Variants in PHEX observed in about 807,000 individuals in gnomAD.
PHEX encodes phosphate-regulating neutral endopeptidase PHEX.
In PHEX, 16 loss-of-function variants were observed where a neutral mutation model predicts 68.0. That is an observed-to-expected ratio of 0.24 (90% confidence interval 0.16 to 0.36). The LOEUF (loss-of-function observed/expected upper bound fraction) is 0.36. Ranked by LOEUF, PHEX falls within the 10% of genes least tolerant of loss-of-function variation. The pLI is 1.00. For missense variants in PHEX, 480 were observed against 575.5 expected, an observed-to-expected ratio of 0.83 and a Z score of 1.70; for synonymous variants, 208 against 205.1, an observed-to-expected ratio of 1.01 and a Z score of -0.12.
In PHEX at chrX:22,249,455, A is replaced by AAAAAAAAAATAT; in HGVS notation, c.*1503_*1504insAAAAAAAATATA. The AAAAAAAAAATAT allele has an allele frequency of 7.5e-5, 3 of 39,756 alleles. No homozygotes were observed. The highest frequency in any genetic ancestry group is 1.7e-4 in the African/African-American group (1 of 6,015). 3.3% of individuals were successfully genotyped at this position (39,756 alleles called of 1,213,427 possible). ...TTGTGATTCTTTTAAAAAAAAAAAA[A>AAAAAAAAAATAT]ATATATATATATATATATATATATA... On this transcript the variant is annotated 3_prime_UTR_variant, in exon 22 of 22. Transcript: ENST00000379374.
At chrX:22,158,677 C>T (rs1407468743) in intron 12 of PHEX, among the ~76,000 whole-genome samples, 2 of 111,763 alleles carry the variant, frequency 1.8e-5, no homozygotes, top group African/African-American at 6.5e-5. Context: ...AGCAGTCAAC[C>T]TAGCCAATCT....
chrX:22,042,501 T>A (rs1364173498), intron 2 of PHEX, among the ~76,000 whole-genome samples: 1 of 112,430 alleles, frequency 8.9e-6, no homozygotes, highest in Non-Finnish European at 1.9e-5. Flanking sequence ...AAAATAATAA[T>A]GGACTGGGCA....
At chrX:22,097,823 A>G (rs1431703950) in intron 8 of PHEX, 3 of 371,188 alleles carry the variant, frequency 8.1e-6, no homozygotes, top group Non-Finnish European at 1.0e-5. Flanking sequence ...GCTGGGGTGC[A>G]GTGGTGTGAT....
chrX:22,238,914 C>G (rs908550236), intron 20 of PHEX, among the ~76,000 whole-genome samples: 1 of 111,712 alleles, frequency 9.0e-6, no homozygotes, highest in Non-Finnish European at 1.9e-5. Context: ...GTCCCGGACC[C>G]CCGTGTATCC....
At position 22,141,058 on chromosome X, in the gene PHEX, G is replaced by A. The variant is rs776245926; in HGVS notation, c.1404+7434G>A. 3.1e-4 allele frequency among the ~76,000 whole-genome samples: 34 copies of A among 110,448 alleles called. 1 individual carries two copies. ...GGTTTCACAGTCTGTGCTTTTATCCGCAATGCCAGTGGGTCTCAAAGTGTG... is the reference window on the plus strand; with the variant it reads ...GGTTTCACAGTCTGTGCTTTTATCCACAATGCCAGTGGGTCTCAAAGTGTG... On this transcript the variant is annotated intron_variant, in intron 12 of 21. Transcript: ENST00000379374.
intron 5 of PHEX, among the ~76,000 whole-genome samples, chrX:22,089,721 A>G (rs1929792989): frequency 8.9e-6 from 1 of 112,048 alleles, no homozygotes; most frequent in South Asian, 3.7e-4. Flanking sequence ...ACACCAGCCT[A>G]AGGTGCTGAA....
intron 15 of PHEX, among the ~76,000 whole-genome samples, chrX:22,212,062 C>G: frequency 9.0e-6 from 1 of 111,524 alleles, no homozygotes; most frequent in African/African-American, 3.3e-5. Flanking sequence ...TTTCTCTGTC[C>G]TTTTCTGTCA....
At chrX:22,047,010 C>T in intron 2 of PHEX, 40 bp from the exon 3 acceptor site, 30 of 1,104,937 alleles carry the variant, frequency 2.7e-5, no homozygotes, top group Non-Finnish European at 3.8e-5. Context: ...ATACAACATT[C>T]AGTGCTTGTC....
chrX:22,180,603 A>C (rs762576407), intron 14 of PHEX, among the ~76,000 whole-genome samples: 1 of 112,240 alleles, frequency 8.9e-6, no homozygotes, highest in Admixed American at 9.4e-5. Flanking sequence ...CCATAGCCTC[A>C]AGCATTTATC....
intron 14 of PHEX, among the ~76,000 whole-genome samples, chrX:22,178,735 T>G (rs1933790233): frequency 8.9e-6 from 1 of 112,330 alleles, no homozygotes; most frequent in African/African-American, 3.2e-5. Flanking sequence ...GAATAAATAC[T>G]TAAACTATGA....
intron 6 of PHEX, 98 bp downstream of exon 6, chrX:22,090,595 G>A: frequency 1.7e-6 from 1 of 578,405 alleles, no homozygotes; most frequent in Admixed American, 2.5e-5. Flanking sequence ...GAGCAGTGTG[G>A]CTATTCAATG....
At chrX:22,184,413 C>T (rs921344725) in intron 14 of PHEX, among the ~76,000 whole-genome samples, 2 of 111,192 alleles carry the variant, frequency 1.8e-5, no homozygotes, top group Non-Finnish European at 3.8e-5. Flanking sequence ...TTACTTTGAA[C>T]AGCATCATGA....
chrX:22,231,562 G>C (rs979092188), intron 20 of PHEX, among the ~76,000 whole-genome samples: 2 of 110,277 alleles, frequency 1.8e-5, no homozygotes, highest in South Asian at 3.8e-4. Context: ...TTTGCATAGA[G>C]GTGTTTATAG....
rs191999845 is a variant in PHEX at position 22,057,035 on chromosome X, G to A, written c.349+9824G>A. 1.2e-3 allele frequency among the ~76,000 whole-genome samples: 136 copies of A among 111,166 alleles called. 1 individual carries two copies. The highest frequency in any genetic ancestry group is 1.8e-3 in the Non-Finnish European group (96 of 53,043). ...AAAAATGAAAGCACTCTCATTAATT[G>A]ATAGTTTCATTTATAATCAGTAATT... On this transcript the variant is annotated intron_variant, in intron 3 of 21. Transcript: ENST00000379374.
intron 11 of PHEX, among the ~76,000 whole-genome samples, chrX:22,125,708 T>G (rs1931689177): frequency 8.9e-6 from 1 of 111,805 alleles, no homozygotes; most frequent in Non-Finnish European, 1.9e-5. Context: ...TCCCCTAATA[T>G]AACGATGGAT....
At chrX:22,059,858 AGAT>A (rs2147000535) in intron 3 of PHEX, among the ~76,000 whole-genome samples, 1 of 112,136 alleles carries the variant, frequency 8.9e-6, no homozygotes, top group Admixed American at 9.5e-5. Context: ...TGAGGATATT[AGAT>A]GAAACTGGAG....
chrX:22,249,442 T>TAAAAAAAAAAAAAA lies in PHEX; in HGVS notation c.*1490_*1503dup, dbSNP rs540966419. On this transcript the variant is annotated 3_prime_UTR_variant, in exon 22 of 22. Coordinates refer to ENST00000379374, the MANE Select transcript of PHEX (RefSeq NM_000444.6). ...GTGTCCCTGTGATTTGTGATTCTTT[T>TAAAAAAAAAAAAAA]AAAAAAAAAAAAAATATATATATAT... The TAAAAAAAAAAAAAA allele has an allele frequency of 2.6e-5, 1 of 38,697 alleles. No homozygotes were observed. The highest frequency in any genetic ancestry group is 4.0e-5 in the Non-Finnish European group (1 of 24,933). The allele number at this position is 38,697 out of a possible 1,213,427, so 3.2% of individuals were successfully genotyped here.
rs773325834 is a variant in PHEX, at chrX:22,232,952, T to G, written c.2070+5341T>G. On this transcript the variant is annotated intron_variant, in intron 20 of 21. Coordinates refer to ENST00000379374, the MANE Select transcript of PHEX (RefSeq NM_000444.6). ...GGCTGGTGCCAGTTGTTCCTTTCTG[T>G]GTTCAGTGCTTCTTTGAGGAGCTCT... Among the ~76,000 whole-genome samples, 293 of 111,264 alleles carry G rather than the reference T, an allele frequency of 2.6e-3. 1 individual carries two copies. The highest frequency in any genetic ancestry group is 4.5e-3 in the Non-Finnish European group (240 of 53,069).
intron 20 of PHEX, among the ~76,000 whole-genome samples, chrX:22,234,238 G>T (rs1935879486): frequency 8.9e-6 from 1 of 112,546 alleles, no homozygotes; most frequent in Non-Finnish European, 1.9e-5. Flanking sequence ...CCCCTACCGG[G>T]AGGTGTCTCC....
Sources: allele counts gnomAD v4.1 joint callset (sites outside exome capture counted in the v4.1 genomes callset), GRCh38; gene constraint gnomAD v4.1.1; transcripts MANE v1.5; gene names NCBI Gene and HGNC (gene_info 2026-07-23, HGNC 2026-07-21).